Variants in MLIP observed in about 807,000 individuals in gnomAD.
The protein encoded by MLIP is muscular LMNA interacting protein.
In MLIP, 79 loss-of-function variants were observed where a neutral mutation model predicts 84.8. That is an observed-to-expected ratio of 0.93 (90% CI 0.78 to 1.12). The LOEUF is 1.12. MLIP is among the 50% of genes most tolerant of loss of function. The pLI, the probability that MLIP is intolerant of heterozygous loss-of-function variation, is 0.00. For synonymous variants in MLIP, 504 were observed against 463.0 expected, an observed-to-expected ratio of 1.09 and a Z score of -1.14; for missense variants, 1,257 against 1,160.6, an observed-to-expected ratio of 1.08 and a Z score of -1.21.
chr6:54,020,943 TAAGG>T (rs971842509), intron 1 of MLIP, among the ~76,000 whole-genome samples: 1 of 152,192 alleles, frequency 6.6e-6, no homozygotes, highest in Non-Finnish European at 1.5e-5. Context: ...CAAATAGAGT[TAAGG>T]AACCTGGCAC....
intron 11 of MLIP, among the ~76,000 whole-genome samples, chr6:54,218,305 A>G (rs1418093583): frequency 1.3e-5 from 2 of 152,188 alleles, no homozygotes; most frequent in Non-Finnish European, 2.9e-5. Flanking sequence ...TTGTAACACA[A>G]TGGTAAGTAT....
At chr6:54,025,424 T>A (rs1334121367) in intron 1 of MLIP, among the ~76,000 whole-genome samples, 1 of 152,192 alleles carries the variant, frequency 6.6e-6, no homozygotes, top group East Asian at 1.9e-4. Context: ...AAGTAGGAAA[T>A]CTCTGGCGGT....
chr6:54,100,778 G>A (rs1182344313), intron 1 of MLIP, among the ~76,000 whole-genome samples: 2 of 152,088 alleles, frequency 1.3e-5, no homozygotes, highest in Non-Finnish European at 2.9e-5. Context: ...ATCCAAACAG[G>A]CATCATTAAT....
At chr6:54,217,331 CA>C (rs1779923297) in intron 11 of MLIP, 1 of 985,272 alleles carries the variant, frequency 1.0e-6, no homozygotes, top group Non-Finnish European at 1.2e-6. Flanking sequence ...AAGAAGAGCT[CA>C]AAATGCCGTA....
At chr6:54,146,757 A>G (rs1409152650) in intron 4 of MLIP, among the ~76,000 whole-genome samples, 4 of 152,192 alleles carry the variant, frequency 2.6e-5, no homozygotes, top group Non-Finnish European at 5.9e-5. Context: ...ATGTCTCTGT[A>G]CAGGCTTTCC....
chr6:54,234,129 C>A (rs901643916), intron 12 of MLIP, among the ~76,000 whole-genome samples: 2 of 151,484 alleles, frequency 1.3e-5, no homozygotes, highest in African/African-American at 2.4e-5. Context: ...TGCAAAAATT[C>A]TTTTATCCTT....
intron 3 of MLIP, among the ~76,000 whole-genome samples, chr6:54,135,249 T>G (rs1255131465): frequency 6.6e-6 from 1 of 152,074 alleles, no homozygotes; most frequent in Non-Finnish European, 1.5e-5. Flanking sequence ...CTTCTTCCAT[T>G]TGATTCAATT....
At chr6:54,133,441 GGGGTTTCT>G (rs1490133745) in intron 3 of MLIP, among the ~76,000 whole-genome samples, 1 of 152,172 alleles carries the variant, frequency 6.6e-6, no homozygotes, top group Admixed American at 6.5e-5. Flanking sequence ...GGGAGAATCT[GGGGTTTCT>G]GCCTCATGTA....
At chr6:54,216,067 A>G (rs1237092324) in intron 11 of MLIP, 1 of 682,092 alleles carries the variant, frequency 1.5e-6, no homozygotes, top group African/African-American at 2.0e-5. Flanking sequence ...TCATTTATCC[A>G]TCAACAGACA....
chr6:54,090,661 A>ATGTGTGTG (rs145816939), intron 1 of MLIP, among the ~76,000 whole-genome samples: 9 of 147,300 alleles, frequency 6.1e-5, no homozygotes, highest in South Asian at 2.2e-4. Context: ...GTGTGTGTGT[A>ATGTGTGTG]TGTGTGTGTG....
intron 5 of MLIP, among the ~76,000 whole-genome samples, chr6:54,151,775 T>A (rs1254064758): frequency 6.6e-6 from 1 of 152,176 alleles, no homozygotes; most frequent in African/African-American, 2.4e-5. Flanking sequence ...GTATAATTAA[T>A]GAGAAACCAG....
At chr6:54,218,406 C>T (rs987875598) in intron 11 of MLIP, among the ~76,000 whole-genome samples, 2 of 152,132 alleles carry the variant, frequency 1.3e-5, no homozygotes, top group African/African-American at 4.8e-5. Flanking sequence ...AGTGCACTTA[C>T]CATGAATGGA....
At chr6:54,210,464 CAAAT>C (rs1395602575) in intron 11 of MLIP, among the ~76,000 whole-genome samples, 1 of 152,242 alleles carries the variant, frequency 6.6e-6, no homozygotes, top group African/African-American at 2.4e-5. Context: ...ATAAAAGACT[CAAAT>C]AAATGTTAGA....
chr6:54,233,483 C>A (rs1249533993), intron 12 of MLIP, among the ~76,000 whole-genome samples: 1 of 152,160 alleles, frequency 6.6e-6, no homozygotes, highest in East Asian at 1.9e-4. Context: ...CCAGCTTCAT[C>A]CATGTCCCTG....
intron 9 of MLIP, among the ~76,000 whole-genome samples, chr6:54,183,272 G>C (rs1456463561): frequency 1.3e-5 from 2 of 152,106 alleles, no homozygotes; most frequent in African/African-American, 4.8e-5. Context: ...CTTCAAGGTA[G>C]GATGATGCCA....
chr6:54,219,595 G>T (rs1780092243), intron 11 of MLIP, among the ~76,000 whole-genome samples: 1 of 152,076 alleles, frequency 6.6e-6, no homozygotes, highest in Non-Finnish European at 1.5e-5. Context: ...TTGAGTAATT[G>T]TGACAGATTT....
intron 1 of MLIP, among the ~76,000 whole-genome samples, chr6:54,078,816 CA>C (rs1026206838): frequency 1.3e-5 from 2 of 151,648 alleles, no homozygotes; most frequent in African/African-American, 2.4e-5. Context: ...CTCAGCCTCC[CA>C]AATAGATGGG....
At chr6:54,122,729 A>T (rs1258157397) in intron 2 of MLIP, among the ~76,000 whole-genome samples, 1 of 152,108 alleles carries the variant, frequency 6.6e-6, no homozygotes, top group Non-Finnish European at 1.5e-5. Context: ...TATTAATGAG[A>T]TCCTTTGTAA....
intron 9 of MLIP, among the ~76,000 whole-genome samples, chr6:54,179,386 C>T (rs1582409672): frequency 2.6e-5 from 4 of 152,066 alleles, no homozygotes; most frequent in Admixed American, 2.6e-4. Flanking sequence ...CAGCTTAGTT[C>T]TCACACATTG....
Sources: gnomAD v4.1 joint callset for allele counts (sites outside exome capture counted in the v4.1 genomes callset) on GRCh38, gnomAD v4.1.1 for gene constraint, MANE v1.5 for transcripts, NCBI Gene and HGNC (gene_info 2026-07-23, HGNC 2026-07-21) for gene names.